Variants in TTN observed in about 807,000 individuals in gnomAD.
TTN encodes connectin.
TTN carries 1,525 observed loss-of-function variants against 3,223.0 expected under a neutral mutation model. The observed-to-expected ratio is 0.47, with a 90% confidence interval of 0.45 to 0.49. The LOEUF (loss-of-function observed/expected upper bound fraction) is 0.49, where lower values mean the gene tolerates loss of function less well. TTN is among the 20% of genes least tolerant of loss of function. The pLI is 0.00. For synonymous variants in TTN, 14,094 were observed against 15,161.0 expected, an observed-to-expected ratio of 0.93 and a Z score of 5.17; for missense variants, 40,786 against 43,424.0, an observed-to-expected ratio of 0.94 and a Z score of 5.40.
rs1577157940 is a variant in TTN, at chr2:178,667,503, A to C, written c.35652T>G (p.Val11884=). ...LAKVPEPPKK[V]VPEDKIYVTI... is the part of the protein sequence containing the mutation. Reference sequence around the variant, plus strand: ...TCACATATATTTTGTCTTCTGGAACAACTTTCTTGGGTGGCTCAGGCACTT... The same window carrying C: ...TCACATATATTTTGTCTTCTGGAACCACTTTCTTGGGTGGCTCAGGCACTT... Residue 11884 remains valine, a synonymous_variant, in exon 161 of 363, where the codon GTT becomes GTG. Transcript: ENST00000589042. The C allele has an allele frequency of 3.1e-6, 5 of 1,598,366 alleles. No individual in the cohort carries two copies. Among genetic ancestry groups the C allele is most frequent in the Non-Finnish European group, 4.2e-6 (5 of 1,179,268 alleles).
chr2:178,667,085 A>T lies in TTN; in HGVS notation c.35797+151T>A, dbSNP rs931406420. On this transcript the variant is annotated intron_variant, in intron 162 of 362. Coordinates refer to ENST00000589042, the MANE Select transcript of TTN (RefSeq NM_001267550.2). Reference sequence around the variant, plus strand: ...GACTTGACTTTCTTGGGGGCAAGTCATAGGTCATTCTTTGTTGTGGGTATA... The same window carrying T: ...GACTTGACTTTCTTGGGGGCAAGTCTTAGGTCATTCTTTGTTGTGGGTATA... The T allele has an allele frequency of 1.2e-5, 11 of 900,962 alleles. No individual in the cohort carries two copies. In the East Asian group the frequency reaches 2.7e-4, roughly 22 times the overall value. The allele number at this position is 900,962 out of a possible 1,614,324, so 55.8% of individuals were successfully genotyped here. A position where few individuals can be genotyped will look rare whatever the true frequency, so the allele number is the denominator to read the frequency against.
chr2:178,678,195 G>T lies in TTN; in HGVS notation c.33924C>A (p.Pro11308=). The change falls in exon 145 of 363, where the codon CCC becomes CCA. Residue 11308 remains proline (P), a synonymous_variant. Coordinates refer to ENST00000589042, the MANE Select transcript of TTN (RefSeq NM_001267550.2). The part of the protein sequence containing the change: ...EAPPAKVPEV[P]KKLIPEEKKP... ...TCTTTTCTTCTGGGATGAGCTTCTT[G>T]GGCACCTCTGGCACTTTAAAGATAT... 1.2e-6 allele frequency: 2 copies of T among 1,610,140 alleles called. No homozygotes were observed. The highest frequency in any genetic ancestry group is 1.7e-6 in the Non-Finnish European group (2 of 1,178,532).
In TTN at chr2:178,705,067, T is replaced by C. The variant is rs1489745984; in HGVS notation, c.29605-101A>G. 11 of 1,572,508 alleles carry C rather than the reference T, an allele frequency of 7.0e-6. No individual in the cohort carries two copies. In the Admixed American group the frequency reaches 1.8e-4, roughly 25 times the overall value. ...TCCATTCTGGATGCTGGTTAGGTCA[T>C]ATTAAATGACGTCATATAACTATAG... On this transcript the variant is annotated intron_variant, in intron 103 of 362. Coordinates refer to ENST00000589042, the MANE Select transcript of TTN (RefSeq NM_001267550.2).
intron 153 of TTN, 28 bp downstream of exon 153, chr2:178,672,607 G>A (rs1218292660): frequency 1.9e-6 from 3 of 1,610,636 alleles, no homozygotes; most frequent in Non-Finnish European, 2.5e-6. Flanking sequence ...GACAGAAGAG[G>A]AAGTCAGGTT....
At position 178,561,941 on chromosome 2, in the gene TTN, A is replaced by G. The variant is rs1366264826; in HGVS notation, c.84191T>C (p.Ile28064Thr). The G allele has an allele frequency of 3.1e-6, 5 of 1,613,516 alleles. No homozygotes were observed. In the East Asian group the frequency reaches 1.1e-4, roughly 36 times the overall value. Residue 28064 changes from isoleucine (I) to threonine (T), a missense_variant, in exon 326 of 363, where the codon ATT (isoleucine) becomes ACT (threonine). Coordinates refer to ENST00000589042, the MANE Select transcript of TTN (RefSeq NM_001267550.2). ...DRPGPPGPIR[I>T]DEVSCDSITI... ...TATGCTGTCACAACTAACCTCATCA[A>G]TACGTATAGGACCTGGAGGTCCTGG...
chr2:178,574,769 G>T lies in TTN; in HGVS notation c.71363C>A (p.Ala23788Asp). 1 of 1,612,206 alleles carries T rather than the reference G, an allele frequency of 6.2e-7. No individual in the cohort carries two copies. The highest frequency in any genetic ancestry group is 1.1e-5 in the South Asian group (1 of 90,878). Residue 23788 changes from alanine (A) to aspartate (D), a missense_variant, in exon 326 of 363, where the codon GCC becomes GAC. Transcript: ENST00000589042. ...ATTVIRTTYKATRLTTGLEYQ... is the reference protein window; with the variant it reads ...ATTVIRTTYKDTRLTTGLEYQ... ...CTCTAATCCAGTAGTAAGGCGGGTG[G>T]CTTTATAGGTAGTACGTATAACGGT... is the stretch of plus-strand genomic sequence containing the variant.
rs1393236297 is a variant in TTN at position 178,545,637 on chromosome 2, T to C, written c.95473A>G (p.Ile31825Val). 1.9e-6 allele frequency: 3 copies of C among 1,613,832 alleles called. No homozygotes were observed. The Admixed American group carries it at 5.0e-5, about 27-fold the overall frequency. ...EEVGTGKEHIIIQWTKPESDG... is the reference protein window; with the variant it reads ...EEVGTGKEHIVIQWTKPESDG... ...GATTCAGGTTTTGTCCACTGAATGA[T>C]GATATGCTCTTTGCCAGTCCCAACT... Residue 31825 changes from isoleucine to valine, a missense_variant, in exon 344 of 363, where the codon ATC becomes GTC. By Grantham distance (29) the Ile-to-Val change is conservative. Coordinates refer to ENST00000589042, the MANE Select transcript of TTN (RefSeq NM_001267550.2).
chr2:178,578,027 T>C lies in TTN; in HGVS notation c.68488A>G (p.Ser22830Gly), dbSNP rs2046834527. The C allele has an allele frequency of 7.4e-6, 12 of 1,613,136 alleles. No individual in the cohort carries two copies. Among genetic ancestry groups the C allele is most frequent in the Non-Finnish European group, 9.3e-6 (11 of 1,179,482 alleles). The stretch of plus-strand genomic sequence containing the variant: ...GCCACAACAGGCTCTGATGGTAGGC[T>C]TGGCTTGCCCACACCTGCTAAATTG... The part of the protein sequence containing the change: ...AINLAGVGKP[S>G]LPSEPVVALD... The change falls in exon 322 of 363, where the codon AGC becomes GGC. Residue 22830 changes from serine (S) to glycine (G), a missense_variant. Physicochemically the swap from Ser to Gly is moderately conservative, Grantham distance 56. Transcript: ENST00000589042.
In TTN at chr2:178,581,486, T is replaced by C; in HGVS notation, c.66769+13A>G. The C allele has an allele frequency of 6.4e-7, 1 of 1,572,570 alleles. No individual in the cohort carries two copies. The highest frequency in any genetic ancestry group is 1.7e-5 in the Admixed American group (1 of 57,496). On this transcript the variant is annotated intron_variant, in intron 316 of 362. Transcript: ENST00000589042. ...TAGGAAAAGCCTTATGTACTCCCCC[T>C]GGTAATACTTACTTAAGATGTCCTT...
In TTN at chr2:178,717,073, G is replaced by A. The variant is rs775394141; in HGVS notation, c.25639+22C>T. 3.8e-6 allele frequency: 6 copies of A among 1,586,960 alleles called. No individual in the cohort carries two copies. The South Asian group carries it at 6.9e-5, about 18-fold the overall frequency. ...ATACTGAAAATGTAAAAGAGATCTT[G>A]CTCCTTCACTCTAACAAGTACCTTG... is the stretch of plus-strand genomic sequence containing the variant. On this transcript the variant is annotated intron_variant, in intron 88 of 362. Coordinates refer to ENST00000589042, the MANE Select transcript of TTN (RefSeq NM_001267550.2).
intron 323 of TTN, 37 bp downstream of exon 323, chr2:178,577,565 T>A (rs1559472318): frequency 9.1e-6 from 13 of 1,432,280 alleles, no homozygotes; most frequent in South Asian, 2.8e-5. Flanking sequence ...TAATTTGCTT[T>A]AAAAAAAAAA....
In TTN at chr2:178,769,886, C is replaced by A. The variant is rs1561217531; in HGVS notation, c.8695G>T (p.Ala2899Ser). 6.2e-7 allele frequency: 1 copy of A among 1,614,082 alleles called. No homozygotes were observed. Among genetic ancestry groups the A allele is most frequent in the Non-Finnish European group, 8.5e-7 (1 of 1,180,004 alleles). ...TGGGACACCTCACACTCAAAAGAGG[C>A]AGTTTTGGTCTCAGGCACCTCGATA... ...KNIEVPETKT[A>S]SFECEVSHFN... Residue 2899 changes from alanine (A) to serine (S), a missense_variant, in exon 37 of 363, where the codon GCC becomes TCC. Transcript: ENST00000589042.
chr2:178,797,398 A>G (rs1160576747), intron 6 of TTN, among the ~76,000 whole-genome samples: 1 of 151,994 alleles, frequency 6.6e-6, no homozygotes, highest in Admixed American at 6.6e-5. Context: ...TTGGACTTTT[A>G]CATTGCCTCT....
chr2:178,761,250 C>T (rs2089127657), intron 43 of TTN, among the ~76,000 whole-genome samples: 1 of 152,064 alleles, frequency 6.6e-6, no homozygotes, highest in East Asian at 1.9e-4. Flanking sequence ...AGTCTTGCCT[C>T]CCACATCTGT....
At position 178,722,401 on chromosome 2, in the gene TTN, A is replaced by C. The variant is rs183482849; in HGVS notation, c.22386T>G (p.Asp7462Glu). 2 of 1,613,432 alleles carry C rather than the reference A, an allele frequency of 1.2e-6. No individual in the cohort carries two copies. Among genetic ancestry groups the C allele is most frequent in the Non-Finnish European group, 1.7e-6 (2 of 1,179,554 alleles). ...CTACAAATGAAGTCTGTAGATTTTC[A>C]TCGTCTCTTAAAAGTACTCCATCTC... ...WYRDGVLLRDDENLQTSFVDN... is the reference protein window; with the variant it reads ...WYRDGVLLRDEENLQTSFVDN... The change falls in exon 77 of 363, where the codon GAT (aspartate) becomes GAG (glutamate). Residue 7462 changes from aspartate to glutamate, a missense_variant. Transcript: ENST00000589042.
chr2:178,794,659 A>C (rs955622636), intron 7 of TTN, 108 bp from the exon 8 acceptor site: 3 of 1,328,620 alleles, frequency 2.3e-6, no homozygotes, highest in African/African-American at 2.9e-5. Context: ...ACACTCATAC[A>C]TAAGCATTTA....
intron 359 of TTN, 44 bp from the exon 360 acceptor site, chr2:178,529,263 C>A (rs778158921): frequency 4.5e-6 from 6 of 1,344,638 alleles, no homozygotes; most frequent in Non-Finnish European, 9.8e-7. Flanking sequence ...TAGAAAGAGA[C>A]CCCCACCTTT....
chr2:178,734,492 T>C lies in TTN; in HGVS notation c.15332A>G (p.Asp5111Gly). Residue 5111 changes from aspartate (D) to glycine (G), a missense_variant, in exon 52 of 363, where the codon GAC (aspartate) becomes GGC (glycine). By Grantham distance (94) the Asp-to-Gly change is moderately conservative (BLOSUM62 -1). Coordinates refer to ENST00000589042, the MANE Select transcript of TTN (RefSeq NM_001267550.2). ...TGPFEISWFK[D>G]KKQIRSSKKY... ...TTTACTACTTCGAATTTGTTTCTTG[T>C]CTTTGAACCAGCTAATTTCAAATGG... 6.2e-7 allele frequency: 1 copy of C among 1,613,798 alleles called. No homozygotes were observed. The highest frequency in any genetic ancestry group is 8.5e-7 in the Non-Finnish European group (1 of 1,179,760).
In TTN at chr2:178,773,113, C is replaced by T; in HGVS notation, c.7851G>A (p.Val2617=). Residue 2617 remains valine, a synonymous_variant, in exon 33 of 363, where the codon GTG becomes GTA. Transcript: ENST00000589042. ...GENMTSGKLT[V]AGGAISKPLT... is the part of the protein sequence containing the mutation. ...TAGGTTAATAAATATACCAACCTGC[C>T]ACAGTAAGTTTTCCAGATGTCATAT... 1 of 1,613,860 alleles carries T rather than the reference C, an allele frequency of 6.2e-7. No individual in the cohort carries two copies. The highest frequency in any genetic ancestry group is 8.5e-7 in the Non-Finnish European group (1 of 1,179,888).
Sources: gnomAD v4.1 joint callset for allele counts (sites outside exome capture counted in the v4.1 genomes callset) on GRCh38, gnomAD v4.1.1 for gene constraint, MANE v1.5 for transcripts, NCBI Gene and HGNC (gene_info 2026-07-23, HGNC 2026-07-21) for gene names.